SEMA5B: variants seen among roughly 807,000 people sequenced by gnomAD.
SEMA5B encodes semaphorin-5B.
SEMA5B carries 66 observed loss-of-function variants against 135.0 expected under a neutral mutation model. That is an observed-to-expected ratio of 0.49 (90% confidence interval 0.40 to 0.60). The LOEUF is 0.60. Among genes scored for constraint, SEMA5B ranks in the 20% least tolerant of loss-of-function variants. SEMA5B has a pLI of 0.00. For missense variants in SEMA5B, 1,501 were observed against 1,566.3 expected (o/e 0.96, Z 0.70); for synonymous variants, 690 against 639.5 (o/e 1.08, Z -1.19).
chr3:122,969,809 G>A (rs1941034612), intron 1 of SEMA5B, among the ~76,000 whole-genome samples: 1 of 152,238 alleles, frequency 6.6e-6, no homozygotes, highest in African/African-American at 2.4e-5. Flanking sequence ...GATAATCTGA[G>A]GTAGTGGGGA....
At chr3:122,940,622 C>T (rs1001489248) in intron 4 of SEMA5B, among the ~76,000 whole-genome samples, 4 of 152,190 alleles carry the variant, frequency 2.6e-5, no homozygotes, top group Non-Finnish European at 4.4e-5. Context: ...GGAGTGGGAC[C>T]GGAAGAGAAA....
chr3:122,927,880 C>G lies in SEMA5B; in HGVS notation c.760G>C (p.Asp254His). Reference sequence around the variant, plus strand: ...ATGGCAGGGTCCCGACCTGAGAAGTCGATGACCGTGGCTGCATAGAGCTCC... The same window carrying G: ...ATGGCAGGGTCCCGACCTGAGAAGTGGATGACCGTGGCTGCATAGAGCTCC... ...QGELYAATVI[D>H]FSGRDPAIYR... Residue 254 changes from aspartate (D) to histidine (H), a missense_variant, in exon 8 of 23, where the codon GAC becomes CAC. By Grantham distance (81) the Asp-to-His change is moderately conservative. Around this residue, in one of 2 missense-constraint regions of SEMA5B, gnomAD observed 574 missense variants for 684.7 expected, o/e 0.84. Coordinates refer to ENST00000357599, the MANE Select transcript of SEMA5B (RefSeq NM_001031702.4). 6.3e-7 allele frequency: 1 copy of G among 1,595,602 alleles called. No individual in the cohort carries two copies. Among genetic ancestry groups the G allele is most frequent in the Non-Finnish European group, 8.5e-7 (1 of 1,170,384 alleles).
chr3:122,972,021 T>C (rs1941143330), intron 1 of SEMA5B, among the ~76,000 whole-genome samples: 1 of 152,244 alleles, frequency 6.6e-6, no homozygotes, highest in African/African-American at 2.4e-5. Context: ...ACGCTTGTTG[T>C]CCACATGGAT....
chr3:122,978,252 G>A (rs751221059), intron 1 of SEMA5B, among the ~76,000 whole-genome samples: 7 of 152,236 alleles, frequency 4.6e-5, no homozygotes, highest in African/African-American at 1.7e-4. Flanking sequence ...GTGGGTGGAC[G>A]TGCTCGGCCT....
intron 1 of SEMA5B, among the ~76,000 whole-genome samples, chr3:122,979,580 T>C (rs535332523): frequency 4.6e-5 from 7 of 152,286 alleles, no homozygotes; most frequent in South Asian, 2.1e-4. Flanking sequence ...TGTTACCCTA[T>C]GGCAGCCTTA....
In SEMA5B at chr3:122,958,454, C is replaced by T. The variant is rs567092494; in HGVS notation, c.124+2686G>A. 3 of 152,298 alleles carry T rather than the reference C, an allele frequency of 2.0e-5. No homozygotes were observed. The South Asian group carries it at 6.2e-4, about 32-fold the overall frequency. The allele number at this position is 152,298 out of a possible 1,614,324, so 9.4% of individuals were successfully genotyped here. A position where few individuals can be genotyped will look rare whatever the true frequency, so the allele number is the denominator to read the frequency against. On this transcript the variant is annotated intron_variant, in intron 2 of 22. Coordinates refer to ENST00000357599, the MANE Select transcript of SEMA5B (RefSeq NM_001031702.4). ...CATTGTGGGGGCAGCCCTCTCCTGC[C>T]CCTGCCCAGGGCCACCGAGTATGGT... is the stretch of plus-strand genomic sequence containing the variant.
rs991427288 is a variant in SEMA5B, at chr3:122,922,528, C to T, written c.1273-81G>A. The T allele has an allele frequency of 3.7e-6, 5 of 1,340,650 alleles. No individual in the cohort carries two copies. The African/African-American group carries it at 7.2e-5, about 19-fold the overall frequency. 83.0% of individuals were successfully genotyped at this position (1,340,650 alleles called of 1,614,324 possible). On this transcript the variant is annotated intron_variant, in intron 10 of 22. Coordinates refer to ENST00000357599, the MANE Select transcript of SEMA5B (RefSeq NM_001031702.4). ...CCGCCGGCTCCCTCCTCCTGGCAAC[C>T]CAGGTGGCCACAGCAGCGGACGCTG...
chr3:122,940,700 G>C (rs920065608), intron 4 of SEMA5B, among the ~76,000 whole-genome samples: 1 of 152,218 alleles, frequency 6.6e-6, no homozygotes, highest in Non-Finnish European at 1.5e-5. Flanking sequence ...TCTCTTCCCA[G>C]CTCTGGCTCC....
Position 122,928,593 on chromosome 3 carries a change from C to T in SEMA5B, c.560G>A (p.Arg187Gln), listed in dbSNP as rs964373510. Reference protein sequence around the residue: ...KTEEECQNYVRVLIVAGRKVF... With the variant: ...KTEEECQNYVQVLIVAGRKVF... Reference sequence around the variant, plus strand: ...CTTCCGGCCGGCGACGATCAGGACTCGCACGTAGTTCTGACACTCCTCCTG... The same window carrying T: ...CTTCCGGCCGGCGACGATCAGGACTTGCACGTAGTTCTGACACTCCTCCTG... The change falls in exon 7 of 23, where the codon CGA becomes CAA. Residue 187 changes from arginine to glutamine, a missense_variant. By Grantham distance (43) the Arg-to-Gln change is conservative (BLOSUM62 1). This residue lies in a region of SEMA5B where 574 missense variants were observed against 684.7 expected (regional missense o/e 0.84). Transcript: ENST00000357599. 1.3e-5 allele frequency: 21 copies of T among 1,558,912 alleles called. No individual in the cohort carries two copies. Among genetic ancestry groups the T allele is most frequent in the Non-Finnish European group, 1.7e-5 (20 of 1,150,772 alleles).
At chr3:122,996,559 G>C (rs1464685828) in intron 1 of SEMA5B, among the ~76,000 whole-genome samples, 1 of 152,222 alleles carries the variant, frequency 6.6e-6, no homozygotes, top group Non-Finnish European at 1.5e-5. Context: ...GGGCCCACAT[G>C]GACTGAGAGC....
intron 8 of SEMA5B, among the ~76,000 whole-genome samples, chr3:122,926,896 G>T (rs779010356): frequency 4.6e-5 from 7 of 152,088 alleles, no homozygotes; most frequent in Non-Finnish European, 7.4e-5. Flanking sequence ...CCTCTCACTG[G>T]GTGCCAGACA....
intron 2 of SEMA5B, among the ~76,000 whole-genome samples, chr3:122,952,644 T>A (rs985721190): frequency 6.6e-6 from 1 of 152,210 alleles, no homozygotes; most frequent in Non-Finnish European, 1.5e-5. Context: ...GAACAGGGAC[T>A]GGAGCACTTC....
At chr3:122,953,273 C>T (rs1365856701) in intron 2 of SEMA5B, among the ~76,000 whole-genome samples, 1 of 152,152 alleles carries the variant, frequency 6.6e-6, no homozygotes, top group Non-Finnish European at 1.5e-5. Flanking sequence ...CCTCCCCGCC[C>T]CAGGTCTGAC....
At position 122,910,920 on chromosome 3, in the gene SEMA5B, G is replaced by T. The variant is rs1937656184; in HGVS notation, c.3217C>A (p.His1073Asn). ...TGCAAATGGTTGGGGGTGGCAGGAT[G>T]GACCAGTGTGGACTCCTGGGACTGA... The part of the protein sequence containing the change: ...QRQSQESTLV[H>N]PATPNHLHYK... The change falls in exon 22 of 23, where the codon CAT becomes AAT. Residue 1073 changes from histidine to asparagine, a missense_variant. Transcript: ENST00000357599. 1 of 1,613,726 alleles carries T rather than the reference G, an allele frequency of 6.2e-7. No homozygotes were observed. Among genetic ancestry groups the T allele is most frequent in the South Asian group, 1.1e-5 (1 of 91,060 alleles).
intron 1 of SEMA5B, among the ~76,000 whole-genome samples, chr3:123,011,672 A>G (rs1411296715): frequency 1.3e-5 from 2 of 152,186 alleles, no homozygotes; most frequent in African/African-American, 4.8e-5. Context: ...AGCCCAGGAC[A>G]CACGCTCCTA....
intron 2 of SEMA5B, among the ~76,000 whole-genome samples, chr3:122,951,530 C>A (rs183884749): frequency 6.6e-6 from 1 of 152,338 alleles, no homozygotes; most frequent in East Asian, 1.9e-4. Context: ...TCGCCTTCCA[C>A]CTCCTCTCTC....
chr3:123,016,042 C>T (rs1387587167), intron 1 of SEMA5B, among the ~76,000 whole-genome samples: 2 of 152,190 alleles, frequency 1.3e-5, no homozygotes, highest in Non-Finnish European at 2.9e-5. Context: ...GAAGAACCTG[C>T]TCATGCTCAC....
intron 1 of SEMA5B, among the ~76,000 whole-genome samples, chr3:122,996,495 C>T (rs951921934): frequency 6.6e-6 from 1 of 152,200 alleles, no homozygotes; most frequent in African/African-American, 2.4e-5. Context: ...CCCGCCTTGG[C>T]CTCACACATG....
intron 15 of SEMA5B, 62 bp downstream of exon 15, chr3:122,913,796 C>G: frequency 6.4e-7 from 1 of 1,566,586 alleles, no homozygotes; most frequent in Non-Finnish European, 8.7e-7. Flanking sequence ...GAGGAGAATC[C>G]AGGCCACTTT....
Sources: gnomAD v4.1 joint callset for allele counts (sites outside exome capture counted in the v4.1 genomes callset) on GRCh38, gnomAD v4.1.1 for gene constraint, gnomAD v4.1.1 regional missense constraint, MANE v1.5 for transcripts, NCBI Gene and HGNC (gene_info 2026-07-23, HGNC 2026-07-21) for gene names.